The following TSPAN9 variants were observed in gnomAD, a reference collection of about 807,000 sequenced individuals.
TSPAN9 encodes tetraspanin-9.
Under a neutral mutation model 31.0 loss-of-function variants are expected in TSPAN9, and 16 were observed. The observed-to-expected ratio is 0.52, with a 90% CI of 0.35 to 0.78. The LOEUF (loss-of-function observed/expected upper bound fraction) is 0.78, where lower values mean the gene tolerates loss of function less well. Among genes scored for constraint, TSPAN9 ranks in the 30% least tolerant of loss-of-function variants. The pLI, the probability that TSPAN9 is intolerant of heterozygous loss-of-function variation, is 0.01. For missense variants in TSPAN9, 272 were observed against 312.5 expected (o/e 0.87, Z 0.98); for synonymous variants, 145 against 121.6 (o/e 1.19, Z -1.27).
intron 2 of TSPAN9, among the ~76,000 whole-genome samples, chr12:3,199,121 C>T (rs1243127019): frequency 6.6e-6 from 1 of 152,218 alleles, no homozygotes; most frequent in African/African-American, 2.4e-5. Flanking sequence ...CAGGGTTTAG[C>T]ACACAGTTCT....
intron 2 of TSPAN9, among the ~76,000 whole-genome samples, chr12:3,128,392 A>G (rs1278917616): frequency 2.6e-5 from 4 of 152,146 alleles, no homozygotes; most frequent in African/African-American, 9.7e-5. Flanking sequence ...CTTTCAAAAC[A>G]CAGAAGGCGT....
chr12:3,214,410 C>T (rs2098380297), intron 3 of TSPAN9, among the ~76,000 whole-genome samples: 1 of 152,174 alleles, frequency 6.6e-6, no homozygotes, highest in South Asian at 2.1e-4. Context: ...CTAGATTTTG[C>T]CATTCCTGGA....
intron 3 of TSPAN9, among the ~76,000 whole-genome samples, chr12:3,216,848 C>A (rs1200910202): frequency 6.6e-6 from 1 of 152,224 alleles, no homozygotes; most frequent in Non-Finnish European, 1.5e-5. Flanking sequence ...CTCTAGCCTT[C>A]AGACACAGAT....
chr12:3,135,047 A>G (rs1447163460), intron 2 of TSPAN9, among the ~76,000 whole-genome samples: 1 of 152,104 alleles, frequency 6.6e-6, no homozygotes, highest in East Asian at 1.9e-4. Context: ...GTTCCTTCTC[A>G]GTGCCTAGGC....
intron 2 of TSPAN9, among the ~76,000 whole-genome samples, chr12:3,175,600 C>T (rs1331515204): frequency 8.1e-6 from 1 of 122,808 alleles, no homozygotes; most frequent in African/African-American, 3.0e-5. Flanking sequence ...AGCTGCACTT[C>T]CCAGCTTGTC....
intron 2 of TSPAN9, among the ~76,000 whole-genome samples, chr12:3,185,252 A>G (rs1391703866): frequency 6.6e-6 from 1 of 152,162 alleles, no homozygotes; most frequent in African/African-American, 2.4e-5. Flanking sequence ...AAGCTATCTC[A>G]GACAGTAGCA....
intron 2 of TSPAN9, among the ~76,000 whole-genome samples, chr12:3,103,438 G>A (rs139204192): frequency 6.6e-6 from 1 of 152,172 alleles, no homozygotes; most frequent in Non-Finnish European, 1.5e-5. Context: ...AACACTTCTG[G>A]TGTGCAGGCA....
chr12:3,268,709 C>CAGCCTGCCCTCCCTGT (rs1862596811), intron 3 of TSPAN9, among the ~76,000 whole-genome samples: 2 of 51,112 alleles, frequency 3.9e-5, no homozygotes, highest in Non-Finnish European at 7.5e-5. Context: ...GCCCTCCGTG[C>CAGCCTGCCCTCCCTGT]GTTCCTGCAG....
At chr12:3,250,281 A>T (rs540424962) in intron 3 of TSPAN9, among the ~76,000 whole-genome samples, 1 of 152,286 alleles carries the variant, frequency 6.6e-6, no homozygotes, top group African/African-American at 2.4e-5. Context: ...TTGTCCTCAG[A>T]TAATGCTTTC....
intron 2 of TSPAN9, among the ~76,000 whole-genome samples, chr12:3,130,979 C>T (rs2098329574): frequency 6.6e-6 from 1 of 152,160 alleles, no homozygotes; most frequent in African/African-American, 2.4e-5. Flanking sequence ...GCAGAACCTT[C>T]AAGGTCGTTG....
chr12:3,178,113 G>T (rs878962), intron 2 of TSPAN9, among the ~76,000 whole-genome samples: 74,003 of 151,972 alleles, frequency 0.49, 18,510 homozygotes, highest in Admixed American at 0.58. Flanking sequence ...CCCGCTGTAT[G>T]CTTTTGTATC....
chr12:3,259,997 G>A (rs1862418117), intron 3 of TSPAN9, among the ~76,000 whole-genome samples: 1 of 152,240 alleles, frequency 6.6e-6, no homozygotes, highest in Admixed American at 6.5e-5. Context: ...ACTGATGGAT[G>A]AAAGAGTCAC....
chr12:3,086,780 G>T (rs751002481), intron 2 of TSPAN9, among the ~76,000 whole-genome samples: 3 of 152,228 alleles, frequency 2.0e-5, no homozygotes, highest in Non-Finnish European at 2.9e-5. Context: ...CCCTTCTTCA[G>T]GTTACAAGCA....
chr12:3,163,093 A>G (rs58472252), intron 2 of TSPAN9, among the ~76,000 whole-genome samples: 4,314 of 152,090 alleles, frequency 0.028, 203 homozygotes, highest in African/African-American at 0.098. Context: ...GAGCACTCCC[A>G]TGCTTGTTCG....
Position 3,281,776 on chromosome 12 carries a change from C to T in TSPAN9, c.607C>T (p.His203Tyr). The stretch of plus-strand genomic sequence containing the variant: ...GAAGATGTGGTTCGATGACAATAAG[C>T]ACGTGCTGGGCACGGTGGGGATGTG... ...KVKMWFDDNK[H>Y]VLGTVGMCIL... The change falls in exon 8 of 9, where the codon CAC becomes TAC. Residue 203 changes from histidine to tyrosine, a missense_variant. Physicochemically the swap from His to Tyr is moderately conservative, Grantham distance 83. Transcript: ENST00000011898. 1.2e-6 allele frequency: 2 copies of T among 1,614,178 alleles called. No homozygotes were observed. The highest frequency in any genetic ancestry group is 1.7e-6 in the Non-Finnish European group (2 of 1,180,010).
chr12:3,078,411 A>T (rs556361093), intron 1 of TSPAN9, among the ~76,000 whole-genome samples: 3 of 152,226 alleles, frequency 2.0e-5, no homozygotes, highest in African/African-American at 7.2e-5. Context: ...TCATGCGAGG[A>T]TCCCTATATA....
intron 5 of TSPAN9, among the ~76,000 whole-genome samples, chr12:3,279,505 G>C (rs1425642641): frequency 6.6e-6 from 1 of 152,244 alleles, no homozygotes; most frequent in Non-Finnish European, 1.5e-5. Context: ...CAGGACTGAG[G>C]CACAGGGAAG....
intron 2 of TSPAN9, among the ~76,000 whole-genome samples, chr12:3,188,989 TG>T (rs2098362944): frequency 6.6e-6 from 1 of 152,182 alleles, no homozygotes; most frequent in Non-Finnish European, 1.5e-5. Context: ...GGGGCTGCGC[TG>T]GTTGCCGCAG....
chr12:3,092,866 C>T (rs1337886764), intron 2 of TSPAN9, among the ~76,000 whole-genome samples: 3 of 152,152 alleles, frequency 2.0e-5, no homozygotes, highest in Non-Finnish European at 4.4e-5. Flanking sequence ...CCAGAGAGGC[C>T]GCAGTCAACT....
Sources: allele counts gnomAD v4.1 joint callset (sites outside exome capture counted in the v4.1 genomes callset), GRCh38; gene constraint gnomAD v4.1.1; transcripts MANE v1.5; gene names NCBI Gene and HGNC (gene_info 2026-07-23, HGNC 2026-07-21).